The following CEP72 variants were observed in gnomAD, a reference collection of about 807,000 sequenced individuals.
The protein encoded by CEP72 is centrosomal protein 72, also known as centrosomal protein of 72 kDa.
CEP72 carries 78 observed loss-of-function variants against 65.7 expected under a neutral mutation model. The ratio of observed to expected loss-of-function variants is 1.19; its 90% CI spans 0.99 to 1.43. The LOEUF (loss-of-function observed/expected upper bound fraction) is 1.43. Among genes scored for constraint, CEP72 ranks in the 40% most tolerant of loss-of-function variants. The pLI is 0.00. For missense variants in CEP72, 914 were observed against 832.9 expected (o/e 1.10, Z -1.20); for synonymous variants, 358 against 351.7 (o/e 1.02, Z -0.20).
At chr5:672,686 C>A in the CEP72 span, among the ~76,000 whole-genome samples, 1 of 152,214 alleles carries the variant, frequency 6.6e-6, no homozygotes, top group Non-Finnish European at 1.5e-5. Flanking sequence ...CGAGGAGGCG[C>A]TGGGAGATTC....
chr5:641,737 A>AT (rs1738045732), intron 9 of CEP72: 1 of 972,222 alleles, frequency 1.0e-6, no homozygotes, highest in South Asian at 4.8e-5. Flanking sequence ...ATGGCCCCCC[A>AT]TCCCCCATCC....
chr5:648,778 T>G, intron 11 of CEP72, among the ~76,000 whole-genome samples: 2 of 56,472 alleles, frequency 3.5e-5, no homozygotes, highest in Admixed American at 1.9e-4. Flanking sequence ...CTGTGAGGTG[T>G]GACTGTGAGG....
At chr5:618,580 G>A (rs1736146456) in intron 1 of CEP72, among the ~76,000 whole-genome samples, 1 of 152,120 alleles carries the variant, frequency 6.6e-6, no homozygotes, top group Non-Finnish European at 1.5e-5. Flanking sequence ...GAGAGATGGA[G>A]CTCAACTCCA....
intron 11 of CEP72, among the ~76,000 whole-genome samples, chr5:648,484 TGACTGTGAGGTGTGACTGTGAGGTGTG>T (rs1738586996): frequency 4.5e-5 from 6 of 134,794 alleles, no homozygotes; most frequent in South Asian, 2.4e-4. Context: ...CTGTGAGGTA[TGACTGTGAGGTGTGACTGTGAGGTGTG>T]GACTGTGAGG....
chr5:644,270 G>T, intron 9 of CEP72, 29 bp from the exon 10 acceptor site: 2 of 1,608,710 alleles, frequency 1.2e-6, no homozygotes, highest in South Asian at 2.2e-5. Flanking sequence ...TTTGACTTGT[G>T]CACTTAAGTG....
chr5:629,049 C>A (rs1043745248), intron 4 of CEP72, among the ~76,000 whole-genome samples: 1 of 152,254 alleles, frequency 6.6e-6, no homozygotes, highest in East Asian at 1.9e-4. Context: ...GGACTGTCCT[C>A]GGGTGGACCA....
intron 11 of CEP72, among the ~76,000 whole-genome samples, chr5:648,795 T>C (rs1738645322): frequency 1.0e-5 from 1 of 96,106 alleles, no homozygotes; most frequent in Non-Finnish European, 2.4e-5. Context: ...GAGGTGTGAC[T>C]GTGAGGCGTG....
intron 9 of CEP72, chr5:643,620 A>C (rs1738209886): frequency 6.1e-6 from 6 of 985,042 alleles, no homozygotes; most frequent in African/African-American, 3.5e-5. Context: ...CCTGCTCAGC[A>C]CCCCCGGCCC....
intron 4 of CEP72, among the ~76,000 whole-genome samples, chr5:632,852 G>C (rs1300584646): frequency 1.3e-5 from 1 of 77,574 alleles, no homozygotes; most frequent in East Asian, 5.0e-4. Context: ...CCGGGATTTG[G>C]ACCAGTCCTG....
chr5:671,964 C>CTT (rs1740239058), downstream of CEP72, among the ~76,000 whole-genome samples: 1 of 152,230 alleles, frequency 6.6e-6, no homozygotes, highest in Non-Finnish European at 1.5e-5. Flanking sequence ...TCCAGGGAAG[C>CTT]TGACACCTGC....
chr5:666,624 A>G (rs1224050062), intron 4 of CEP72, among the ~76,000 whole-genome samples: 1 of 152,194 alleles, frequency 6.6e-6, no homozygotes, highest in African/African-American at 2.4e-5. Context: ...CCTGGCTCCA[A>G]AACCCGCCAG....
chr5:647,972 G>A (rs1173301625), intron 11 of CEP72, 56 bp downstream of exon 11: 25 of 1,298,256 alleles, frequency 1.9e-5, no homozygotes, highest in Non-Finnish European at 2.6e-5. Flanking sequence ...CAGGTACAGG[G>A]AGGGTTGGGC....
intron 1 of CEP72, among the ~76,000 whole-genome samples, chr5:615,951 G>A (rs1177928620): frequency 6.6e-6 from 1 of 152,078 alleles, no homozygotes; most frequent in East Asian, 1.9e-4. Context: ...TCACCATTTA[G>A]GTCTCTATCC....
intron 11 of CEP72, among the ~76,000 whole-genome samples, chr5:651,393 C>G (rs181122059): frequency 1.6e-3 from 239 of 151,726 alleles, no homozygotes; most frequent in Middle Eastern, 3.4e-3. Context: ...GAGGTGTGGA[C>G]TGAGAGTTGT....
downstream of CEP72, among the ~76,000 whole-genome samples, chr5:655,251 TG>T (rs1242998928): frequency 5.9e-5 from 9 of 151,534 alleles, no homozygotes; most frequent in South Asian, 6.3e-4. The surrounding 1 kb of genome is among the most constrained non-coding windows in gnomAD (Gnocchi z 5.0). Flanking sequence ...CCCAGCTTCT[TG>T]GGGGGCTGAG....
At chr5:666,237 C>T (rs1739908056) in intron 4 of CEP72, 1 of 1,291,530 alleles carries the variant, frequency 7.7e-7, no homozygotes, top group South Asian at 1.4e-5. Context: ...ACAGGCTTCA[C>T]CCACAGGCGG....
intron 1 of CEP72, 88 bp from the exon 2 acceptor site, chr5:618,902 T>C: frequency 9.8e-7 from 1 of 1,023,836 alleles, no homozygotes; most frequent in Admixed American, 2.2e-5. Flanking sequence ...TGTCAGTTTC[T>C]ACTCCATATC....
intron 4 of CEP72, 33 bp from the exon 5 acceptor site, chr5:633,736 G>T: frequency 6.2e-7 from 1 of 1,607,316 alleles, no homozygotes; most frequent in Non-Finnish European, 8.5e-7. Context: ...TGGCTGGCTT[G>T]AGTGATGCTG....
At chr5:673,573 CCCAGCCTGCCGA>C in the CEP72 span, among the ~76,000 whole-genome samples, 4 of 152,182 alleles carry the variant, frequency 2.6e-5, no homozygotes, top group Non-Finnish European at 4.4e-5. Context: ...ACTCACGGTG[CCCAGCCTGCCGA>C]CCAGGCTGCC....
Sources: allele counts gnomAD v4.1 joint callset (sites outside exome capture counted in the v4.1 genomes callset), GRCh38; gene constraint gnomAD v4.1.1; non-coding constraint Gnocchi (gnomAD v3.1); transcripts MANE v1.5; gene names NCBI Gene and HGNC (gene_info 2026-07-23, HGNC 2026-07-21).